SKI: variants seen among roughly 807,000 people sequenced by gnomAD.
SKI encodes ski oncogene.
SKI carries 23 observed loss-of-function variants against 59.3 expected under a neutral mutation model. The ratio of observed to expected loss-of-function variants is 0.39; its 90% CI spans 0.28 to 0.55. SKI has a LOEUF of 0.55. Among genes scored for constraint, SKI ranks in the 20% least tolerant of loss-of-function variants. The pLI, the probability that SKI is intolerant of heterozygous loss-of-function variation, is 0.67. For synonymous variants in SKI, 673 were observed against 488.6 expected (o/e 1.38, Z -4.98); for missense variants, 1,017 against 1,038.9 (o/e 0.98, Z 0.29).
At chr1:2,276,128 GTGAT>G (rs2100863307) in intron 1 of SKI, among the ~76,000 whole-genome samples, 1 of 152,314 alleles carries the variant, frequency 6.6e-6, no homozygotes, top group Admixed American at 6.5e-5. Flanking sequence ...GGCATTTACT[GTGAT>G]TGAGCACAGG....
chr1:2,237,183 G>A (rs1243322819), intron 1 of SKI, among the ~76,000 whole-genome samples: 1 of 152,230 alleles, frequency 6.6e-6, no homozygotes, highest in African/African-American at 2.4e-5. Flanking sequence ...GGGCACCTGA[G>A]GACTGGCTGA....
intron 1 of SKI, among the ~76,000 whole-genome samples, chr1:2,242,158 G>C (rs1638894073): frequency 6.6e-6 from 1 of 152,222 alleles, no homozygotes; most frequent in South Asian, 2.1e-4. Flanking sequence ...CATGTGATGC[G>C]TCCCTTGGTG....
Position 2,301,494 on chromosome 1 carries a change from C to T in SKI, c.970-1484C>T, listed in dbSNP as rs1339760556. Among the ~76,000 whole-genome samples, 3 of 151,976 alleles carry T rather than the reference C, an allele frequency of 2.0e-5. No homozygotes were observed. The East Asian group carries it at 5.8e-4, about 29-fold the overall frequency. ...CTCCCCTGGCCCCACCCTGCTTGTT[C>T]CCTGAGGGCTGCAGGGTGGGTGCAC... On this transcript the variant is annotated intron_variant, in intron 1 of 6. Coordinates refer to ENST00000378536, the MANE Select transcript of SKI (RefSeq NM_003036.4).
intron 1 of SKI, among the ~76,000 whole-genome samples, chr1:2,232,828 T>A (rs1638668175): frequency 6.6e-6 from 1 of 152,134 alleles, no homozygotes; most frequent in Non-Finnish European, 1.5e-5. Context: ...ATCTTGGACT[T>A]TATGTTTTGA....
At chr1:2,305,017 C>G (rs1309193321) in intron 5 of SKI, among the ~76,000 whole-genome samples, 1 of 152,242 alleles carries the variant, frequency 6.6e-6, no homozygotes, top group Non-Finnish European at 1.5e-5. Flanking sequence ...GCTCCGCCAG[C>G]AAGACCTGGC....
intron 1 of SKI, among the ~76,000 whole-genome samples, chr1:2,235,662 G>A (rs1467089163): frequency 6.6e-6 from 1 of 152,240 alleles, no homozygotes; most frequent in Non-Finnish European, 1.5e-5. Flanking sequence ...GGGGGCCCAG[G>A]GAGCCTCCAG....
chr1:2,290,750 G>GTT (rs1640144233), intron 1 of SKI, among the ~76,000 whole-genome samples: 1 of 152,200 alleles, frequency 6.6e-6, no homozygotes, highest in African/African-American at 2.4e-5. Flanking sequence ...TTGGGTGAGG[G>GTT]TTGGGCTTGC....
intron 1 of SKI, among the ~76,000 whole-genome samples, chr1:2,272,779 C>A (rs1257212386): frequency 6.6e-6 from 1 of 152,162 alleles, no homozygotes; most frequent in Non-Finnish European, 1.5e-5. Flanking sequence ...CCTGCCCCGG[C>A]CTATGTGTGC....
intron 1 of SKI, among the ~76,000 whole-genome samples, chr1:2,278,067 T>C (rs1639785249): frequency 6.6e-6 from 1 of 152,208 alleles, no homozygotes; most frequent in Non-Finnish European, 1.5e-5. Flanking sequence ...GGGTGCCTGC[T>C]TCGCCCTCGG....
chr1:2,309,347 G>A lies in SKI; in HGVS notation c.*2582G>A, dbSNP rs1265213174. 1 of 152,110 alleles carries A rather than the reference G, an allele frequency of 6.6e-6. No individual in the cohort carries two copies. Among genetic ancestry groups the A allele is most frequent in the Non-Finnish European group, 1.5e-5 (1 of 68,018 alleles). 9.4% of individuals were successfully genotyped at this position (152,110 alleles called of 1,614,324 possible). A position where few individuals can be genotyped will look rare whatever the true frequency, so the allele number is the denominator to read the frequency against. On this transcript the variant is annotated 3_prime_UTR_variant, in exon 7 of 7. Transcript: ENST00000378536. ...TCTATACTGAAAGAAGATTTTTAACGAAGGGAAAAACAACAGCAATAACAT... is the reference window on the plus strand; with the variant it reads ...TCTATACTGAAAGAAGATTTTTAACAAAGGGAAAAACAACAGCAATAACAT...
chr1:2,272,491 G>A (rs1639646781), intron 1 of SKI, among the ~76,000 whole-genome samples: 2 of 152,204 alleles, frequency 1.3e-5, no homozygotes, highest in South Asian at 4.1e-4. Context: ...GGCAGTGGCC[G>A]TCCCTGTGGT....
At chr1:2,287,564 A>G (rs1469594649) in intron 1 of SKI, among the ~76,000 whole-genome samples, 2 of 152,006 alleles carry the variant, frequency 1.3e-5, no homozygotes, top group African/African-American at 4.8e-5. Context: ...ATAATGTCCA[A>G]ATGTTTTATC....
At position 2,240,682 on chromosome 1, in the gene SKI, C is replaced by T. The variant is rs181247517; in HGVS notation, c.969+10947C>T. The T allele has an allele frequency of 7.1e-6, 7 of 985,464 alleles. No homozygotes were observed. The East Asian group carries it at 6.8e-4, about 96-fold the overall frequency. 61.0% of individuals were successfully genotyped at this position (985,464 alleles called of 1,614,324 possible). On this transcript the variant is annotated intron_variant, in intron 1 of 6. Transcript: ENST00000378536. ...ATTCTTCGAAGTGAAGCTCTCTCTA[C>T]TTGTTCGGAGGATGGAGGACAGTTC...
At chr1:2,238,602 G>A (rs1303773567) in intron 1 of SKI, among the ~76,000 whole-genome samples, 1 of 152,216 alleles carries the variant, frequency 6.6e-6, no homozygotes, top group African/African-American at 2.4e-5. Flanking sequence ...GTGAGCGTGG[G>A]GTCTGGACTC....
intron 1 of SKI, among the ~76,000 whole-genome samples, chr1:2,238,918 A>G (rs1438959330): frequency 2.0e-5 from 3 of 152,030 alleles, no homozygotes; most frequent in Admixed American, 6.5e-5. Flanking sequence ...CGTCTGTGAG[A>G]TCTCAGCTGC....
At chr1:2,262,898 T>C (rs548668074) in intron 1 of SKI, among the ~76,000 whole-genome samples, 4 of 150,616 alleles carry the variant, frequency 2.7e-5, no homozygotes, top group Non-Finnish European at 5.9e-5. Flanking sequence ...GTTGAATTTG[T>C]TTTTTTTTGT....
Position 2,303,376 on chromosome 1 carries a change from A to C in SKI, c.1187A>C (p.His396Pro), listed in dbSNP as rs987527805. Reference protein sequence around the residue: ...VSASEKELSPHLPALIRDSFY... With the variant: ...VSASEKELSPPLPALIRDSFY... Reference sequence around the variant, plus strand: ...GCGAGTGAGAAAGAGCTCTCCCCACACCTCCCGGCCCTCATCCGAGACAGG... The same window carrying C: ...GCGAGTGAGAAAGAGCTCTCCCCACCCCTCCCGGCCCTCATCCGAGACAGG... Residue 396 changes from histidine to proline, a missense_variant, in exon 3 of 7, where the codon CAC becomes CCC. Physicochemically the swap from His to Pro is moderately conservative, Grantham distance 77. Coordinates refer to ENST00000378536, the MANE Select transcript of SKI (RefSeq NM_003036.4). This position sits in a 1 kb window ranked among gnomAD's most constrained non-coding sequence, Gnocchi z 5.6. 2.5e-6 allele frequency: 4 copies of C among 1,612,332 alleles called. No individual in the cohort carries two copies. The highest frequency in any genetic ancestry group is 1.3e-5 in the African/African-American group (1 of 74,738).
chr1:2,295,848 C>T (rs1640273049), intron 1 of SKI, among the ~76,000 whole-genome samples: 1 of 152,166 alleles, frequency 6.6e-6, no homozygotes, highest in African/African-American at 2.4e-5. Context: ...CGTCATTTGT[C>T]TCTGGATGCT....
At chr1:2,248,375 C>T (rs778601744) in intron 1 of SKI, among the ~76,000 whole-genome samples, 4 of 152,196 alleles carry the variant, frequency 2.6e-5, no homozygotes, top group East Asian at 1.9e-4. Context: ...CTTGGTGACC[C>T]GCTCTGCTCT....
Sources: gnomAD v4.1 joint callset for allele counts (sites outside exome capture counted in the v4.1 genomes callset) on GRCh38, gnomAD v4.1.1 for gene constraint, Gnocchi (gnomAD v3.1) non-coding constraint, MANE v1.5 for transcripts, NCBI Gene and HGNC (gene_info 2026-07-23, HGNC 2026-07-21) for gene names.